Variants in PTPRC observed in about 807,000 individuals in gnomAD.
The protein encoded by PTPRC is receptor-type tyrosine-protein phosphatase C.
PTPRC carries 44 observed loss-of-function variants against 155.9 expected under a neutral mutation model. That is an observed-to-expected ratio of 0.28 (90% CI 0.22 to 0.36). The LOEUF (loss-of-function observed/expected upper bound fraction) is 0.36, where lower values mean the gene tolerates loss of function less well. Ranked by LOEUF, PTPRC falls within the 10% of genes least tolerant of loss-of-function variation. PTPRC has a pLI of 1.00. For synonymous variants in PTPRC, 525 were observed against 533.1 expected (o/e 0.98, Z 0.21); for missense variants, 1,401 against 1,564.6 (o/e 0.90, Z 1.76).
intron 2 of PTPRC, among the ~76,000 whole-genome samples, 193 bp downstream of exon 2, chr1:198,639,534 T>G (rs1007446801): frequency 6.6e-6 from 1 of 152,042 alleles, no homozygotes; most frequent in Non-Finnish European, 1.5e-5. Flanking sequence ...TACAAAGACA[T>G]AAATGTTTCG....
At chr1:198,714,900 G>A (rs537807059) in intron 12 of PTPRC, among the ~76,000 whole-genome samples, 2 of 151,728 alleles carry the variant, frequency 1.3e-5, no homozygotes, top group Admixed American at 1.3e-4. Context: ...AAAAGAGAGG[G>A]ATTAAAAGAG....
chr1:198,732,328 C>T lies in PTPRC; in HGVS notation c.2003C>T (p.Pro668Leu). The T allele has an allele frequency of 1.2e-6, 2 of 1,612,566 alleles. No homozygotes were observed. Among genetic ancestry groups the T allele is most frequent in the Non-Finnish European group, 1.7e-6 (2 of 1,179,056 alleles). The change falls in exon 19 of 33, where the codon CCT becomes CTT. Residue 668 changes from proline to leucine, a missense_variant. By Grantham distance (98) the Pro-to-Leu change is moderately conservative. Transcript: ENST00000442510. The part of the protein sequence containing the change: ...QSIPRVFSKF[P>L]IKEARKPFNQ... ...ATCCCGCGGGTGTTCAGCAAGTTTCCTATAAAGGAAGCTCGAAAGCCCTTT... is the reference window on the plus strand; with the variant it reads ...ATCCCGCGGGTGTTCAGCAAGTTTCTTATAAAGGAAGCTCGAAAGCCCTTT...
At chr1:198,707,035 T>A in intron 9 of PTPRC, 83 bp downstream of exon 9, 1 of 1,160,014 alleles carries the variant, frequency 8.6e-7, no homozygotes. Context: ...TCACAGGAGC[T>A]AGTCTGGTGA....
chr1:198,706,472 T>G (rs764130608), intron 8 of PTPRC, among the ~76,000 whole-genome samples: 4 of 152,194 alleles, frequency 2.6e-5, no homozygotes, highest in Non-Finnish European at 5.9e-5. Flanking sequence ...TAGACTTTGC[T>G]CTCATGGAAG....
At chr1:198,667,460 AT>A (rs1571805563) in intron 2 of PTPRC, among the ~76,000 whole-genome samples, 1 of 152,238 alleles carries the variant, frequency 6.6e-6, no homozygotes, top group Non-Finnish European at 1.5e-5. Flanking sequence ...CTGAAAAAAA[AT>A]AATTTTCCTC....
intron 25 of PTPRC, 63 bp downstream of exon 25, chr1:198,742,430 T>C: frequency 6.3e-7 from 1 of 1,577,992 alleles, no homozygotes; most frequent in East Asian, 2.3e-5. Context: ...CTTTTCCAAG[T>C]GATAATAATG....
intron 2 of PTPRC, chr1:198,679,948 G>A (rs1244849767): frequency 6.4e-6 from 4 of 623,790 alleles, no homozygotes; most frequent in African/African-American, 5.6e-5. Context: ...GTCCACCGTC[G>A]CCCTGGCGTA....
chr1:198,639,349 C>T lies in PTPRC; in HGVS notation c.73+8C>T. ...CAGAAGTATTTGTGACAGGTAAGTACAAGGATATTAATATTTTTTAAATTA... is the reference window on the plus strand; with the variant it reads ...CAGAAGTATTTGTGACAGGTAAGTATAAGGATATTAATATTTTTTAAATTA... On this transcript the variant is annotated splice_region_variant and intron_variant, in intron 2 of 32. Coordinates refer to ENST00000442510, the MANE Select transcript of PTPRC (RefSeq NM_002838.5). The T allele has an allele frequency of 6.9e-6, 11 of 1,586,398 alleles. No individual in the cohort carries two copies. The highest frequency in any genetic ancestry group is 9.5e-6 in the Non-Finnish European group (11 of 1,156,594).
In PTPRC at chr1:198,716,824, C is replaced by T. The variant is rs1653612148; in HGVS notation, c.1434C>T (p.Phe478=). 1 of 1,613,602 alleles carries T rather than the reference C, an allele frequency of 6.2e-7. No homozygotes were observed. Among genetic ancestry groups the T allele is most frequent in the East Asian group, 2.2e-5 (1 of 44,814 alleles). The change falls in exon 13 of 33, where the codon TTC becomes TTT. Residue 478 remains phenylalanine (F), a synonymous_variant. Transcript: ENST00000442510. ...QRNGSAAMCH[F]TTKSAPPSQV... ...ATGGAAGTGCTGCAATGTGTCATTT[C>T]ACAACTAAAAGTGCTCGTAAGTTAT...
At chr1:198,724,238 A>G (rs1336683082) in intron 15 of PTPRC, among the ~76,000 whole-genome samples, 5 of 152,188 alleles carry the variant, frequency 3.3e-5, no homozygotes, top group African/African-American at 9.7e-5. Flanking sequence ...TAAAATAGTG[A>G]TATCTGTTCC....
chr1:198,666,780 T>C (rs1286132369), intron 2 of PTPRC, among the ~76,000 whole-genome samples: 1 of 152,222 alleles, frequency 6.6e-6, no homozygotes, highest in Non-Finnish European at 1.5e-5. Context: ...TCATTTGTCT[T>C]TTTAAGTTAA....
At position 198,716,781 on chromosome 1, in the gene PTPRC, T is replaced by C. The variant is rs899389630; in HGVS notation, c.1391T>C (p.Ile464Thr). The change falls in exon 13 of 33, where the codon ATT becomes ACT. Residue 464 changes from isoleucine (I) to threonine (T), a missense_variant. Ile to Thr is a moderately conservative substitution (Grantham distance 89). This residue lies in a region of PTPRC where 867 missense variants were observed against 970.4 expected (regional missense o/e 0.89). Transcript: ENST00000442510. ...KYVLSLHAYI[I>T]AKVQRNGSAA... ...GTTTTATCATTACATGCCTACATCATTGCAAAAGTGCAACGTAATGGAAGT... is the reference window on the plus strand; with the variant it reads ...GTTTTATCATTACATGCCTACATCACTGCAAAAGTGCAACGTAATGGAAGT... 17 of 1,613,486 alleles carry C rather than the reference T, an allele frequency of 1.1e-5. No homozygotes were observed. Among genetic ancestry groups the C allele is most frequent in the African/African-American group, 4.0e-5 (3 of 74,912 alleles).
At chr1:198,724,697 T>G (rs1007977339) in intron 15 of PTPRC, among the ~76,000 whole-genome samples, 1 of 152,068 alleles carries the variant, frequency 6.6e-6, no homozygotes, top group Non-Finnish European at 1.5e-5. Flanking sequence ...TCTCTCTCTC[T>G]CTCTCTTTTT....
chr1:198,724,742 G>A lies in PTPRC; in HGVS notation c.1720+2266G>A, dbSNP rs139033203. Among the ~76,000 whole-genome samples the A allele has an allele frequency of 6.2e-3, 940 of 151,394 alleles. 13 individuals carry two copies. The highest frequency in any genetic ancestry group is 0.021 in the African/African-American group (886 of 41,254). ...TCCCAAGTTTTCCTCCCCTGGAAATGCTAGGTTTCTGTCTTTATTCTTGGT... is the reference window on the plus strand; with the variant it reads ...TCCCAAGTTTTCCTCCCCTGGAAATACTAGGTTTCTGTCTTTATTCTTGGT... On this transcript the variant is annotated intron_variant, in intron 15 of 32. Transcript: ENST00000442510.
At chr1:198,665,518 C>T (rs1664240106) in intron 2 of PTPRC, among the ~76,000 whole-genome samples, 1 of 152,140 alleles carries the variant, frequency 6.6e-6, no homozygotes, top group Non-Finnish European at 1.5e-5. Flanking sequence ...GTCCCCCAGG[C>T]ATATACAGAG....
chr1:198,672,800 A>G (rs1664723347), intron 2 of PTPRC, among the ~76,000 whole-genome samples: 1 of 152,090 alleles, frequency 6.6e-6, no homozygotes, highest in African/African-American at 2.4e-5. Flanking sequence ...ACTGTATTCT[A>G]AAAGCATTTT....
chr1:198,729,346 T>G (rs1654285914), intron 17 of PTPRC, among the ~76,000 whole-genome samples, 175 bp downstream of exon 17: 1 of 152,036 alleles, frequency 6.6e-6, no homozygotes, highest in South Asian at 2.1e-4. Context: ...GTTGAAGCAA[T>G]TCTCATGTGC....
chr1:198,658,249 G>C (rs1663713091), intron 2 of PTPRC, among the ~76,000 whole-genome samples: 1 of 152,134 alleles, frequency 6.6e-6, no homozygotes, highest in Non-Finnish European at 1.5e-5. Context: ...CACATGAACT[G>C]ATGAGGCTCT....
intron 2 of PTPRC, among the ~76,000 whole-genome samples, chr1:198,666,608 G>A (rs1664324549): frequency 6.6e-6 from 1 of 152,156 alleles, no homozygotes; most frequent in Admixed American, 6.5e-5. Flanking sequence ...GGCTATAACA[G>A]AGATCATGAT....
Sources: allele counts gnomAD v4.1 joint callset (sites outside exome capture counted in the v4.1 genomes callset), GRCh38; gene constraint gnomAD v4.1.1; regional missense constraint gnomAD v4.1.1; transcripts MANE v1.5; gene names NCBI Gene and HGNC (gene_info 2026-07-23, HGNC 2026-07-21).